DIS3L: variants seen among roughly 807,000 people sequenced by gnomAD.
DIS3L encodes the protein DIS3 like exosome 3'-5' exoribonuclease, also known as DIS3-like exonuclease 1.
DIS3L carries 100 observed loss-of-function variants against 120.3 expected under a neutral mutation model. The observed-to-expected ratio is 0.83, with a 90% CI of 0.71 to 0.98. The LOEUF (loss-of-function observed/expected upper bound fraction) is 0.98. Among genes scored for constraint, DIS3L ranks in the 50% least tolerant of loss-of-function variants. DIS3L has a pLI of 0.00. For missense variants in DIS3L, 1,196 were observed against 1,314.2 expected, an observed-to-expected ratio of 0.91 and a Z score of 1.39; for synonymous variants, 426 against 470.6, an observed-to-expected ratio of 0.91 and a Z score of 1.23.
At chr15:66,331,556 C>CAA (rs34478583) in intron 14 of DIS3L, 24 of 153,616 alleles carry the variant, frequency 1.6e-4, no homozygotes, top group East Asian at 7.3e-4. Context: ...CTCCATATCT[C>CAA]AAAAAAAAAA....
intron 14 of DIS3L, chr15:66,330,487 T>C: frequency 2.0e-6 from 2 of 985,450 alleles, no homozygotes; most frequent in Non-Finnish European, 2.4e-6. Context: ...GGAAACTACC[T>C]AAATGTTTAA....
chr15:66,302,659 C>T (rs895570054), intron 2 of DIS3L, among the ~76,000 whole-genome samples: 10 of 152,126 alleles, frequency 6.6e-5, no homozygotes, highest in African/African-American at 2.2e-4. Flanking sequence ...TTTGTCTCCA[C>T]TCACTCTTAT....
At position 66,320,579 on chromosome 15, in the gene DIS3L, G is replaced by C. The variant is rs200344612; in HGVS notation, c.1173G>C (p.Arg391Ser). The C allele has an allele frequency of 1.7e-4, 282 of 1,613,228 alleles. 1 individual carries two copies. Among genetic ancestry groups the C allele is most frequent in the Middle Eastern group, 6.6e-4 (4 of 6,076 alleles). ...TTTTTCCTTTTGTGCAGGACTTCAGGGTGGTCGTGCGCATCGATTCCTGGG... is the reference window on the plus strand; with the variant it reads ...TTTTTCCTTTTGTGCAGGACTTCAGCGTGGTCGTGCGCATCGATTCCTGGG... ...TQQAETLQDF[R>S]VVVRIDSWES... is the part of the protein sequence containing the mutation. The change falls in exon 9 of 17, where the codon AGG (arginine) becomes AGC (serine). Residue 391 changes from arginine to serine, a missense_variant. Transcript: ENST00000319212.
At chr15:66,307,235 C>T (rs1431839600) in intron 3 of DIS3L, among the ~76,000 whole-genome samples, 1 of 152,092 alleles carries the variant, frequency 6.6e-6, no homozygotes, top group Non-Finnish European at 1.5e-5. Context: ...AACTAGAAGT[C>T]ATAACTTTAA....
chr15:66,309,163 A>G (rs1370728700), intron 4 of DIS3L, among the ~76,000 whole-genome samples: 2 of 142,736 alleles, frequency 1.4e-5, no homozygotes, highest in Admixed American at 7.4e-5. Context: ...GAGATGGAAG[A>G]ATCACTGGAG....
Position 66,326,201 on chromosome 15 carries a change from A to C in DIS3L, c.2038A>C (p.Thr680Pro), listed in dbSNP as rs1191601804. The C allele has an allele frequency of 1.2e-6, 2 of 1,614,186 alleles. No homozygotes were observed. The highest frequency in any genetic ancestry group is 8.5e-7 in the Non-Finnish European group (1 of 1,180,026). The change falls in exon 12 of 17, where the codon ACA becomes CCA. Residue 680 changes from threonine (T) to proline (P), a missense_variant. Coordinates refer to ENST00000319212, the MANE Select transcript of DIS3L (RefSeq NM_001143688.3). ...CAAGCAGCCCCTGGAAGTCCACGAG[A>C]CAGTGGCTGAATGCATGATCCTGGC... ...IPKQPLEVHETVAECMILANH... is the reference protein window; with the variant it reads ...IPKQPLEVHEPVAECMILANH...
In DIS3L at chr15:66,323,522, G is replaced by A. The variant is rs369988387; in HGVS notation, c.1604G>A (p.Arg535His). Residue 535 changes from arginine (R) to histidine (H), a missense_variant, in exon 11 of 17, where the codon CGC (arginine) becomes CAC (histidine). Arg to His is a conservative substitution (Grantham distance 29). Transcript: ENST00000319212. ...RATTYYLADRRYDMLPSVLSA... is the reference protein window; with the variant it reads ...RATTYYLADRHYDMLPSVLSA... ...ACCACTTATTATCTAGCAGATCGTCGCTATGACATGCTGCCTTCCGTCCTC... is the reference window on the plus strand; with the variant it reads ...ACCACTTATTATCTAGCAGATCGTCACTATGACATGCTGCCTTCCGTCCTC... 45 of 1,614,236 alleles carry A rather than the reference G, an allele frequency of 2.8e-5. 1 individual carries two copies. Among genetic ancestry groups the A allele is most frequent in the Admixed American group, 2.5e-4 (15 of 60,030 alleles).
intron 2 of DIS3L, 46 bp from the exon 3 acceptor site, chr15:66,306,778 A>G: frequency 1.2e-6 from 2 of 1,609,768 alleles, no homozygotes; most frequent in Non-Finnish European, 1.7e-6. Flanking sequence ...ATAGCAGTGG[A>G]TGAGTACCTG....
In DIS3L at chr15:66,322,673, G is replaced by A. The variant is rs1038185726; in HGVS notation, c.1327-14G>A. ...GTGGTGCATGAATTGCTGAATATTT[G>A]GTTTCTCATACAGATGTGTGAGATG... is the stretch of plus-strand genomic sequence containing the variant. On this transcript the variant is annotated splice_polypyrimidine_tract_variant and intron_variant, in intron 9 of 16. Coordinates refer to ENST00000319212, the MANE Select transcript of DIS3L (RefSeq NM_001143688.3). 4 of 1,610,920 alleles carry A rather than the reference G, an allele frequency of 2.5e-6. No individual in the cohort carries two copies. Among genetic ancestry groups the A allele is most frequent in the Non-Finnish European group, 3.4e-6 (4 of 1,177,946 alleles).
intron 14 of DIS3L, chr15:66,329,606 C>A: frequency 8.0e-7 from 1 of 1,253,588 alleles, no homozygotes; most frequent in South Asian, 2.2e-5. Flanking sequence ...TTTTTTTTTT[C>A]CGAAAGGTGG....
At chr15:66,313,325 TAA>T (rs1453546788) in intron 5 of DIS3L, among the ~76,000 whole-genome samples, 1 of 152,214 alleles carries the variant, frequency 6.6e-6, no homozygotes. Context: ...AGAAGATTTT[TAA>T]AAGACTACTC....
chr15:66,309,064 G>A (rs1432884682), intron 4 of DIS3L, among the ~76,000 whole-genome samples: 1 of 16,386 alleles, frequency 6.1e-5, no homozygotes, highest in Non-Finnish European at 1.3e-4. Context: ...GCAATCTAGT[G>A]AGACCTTGTC....
chr15:66,294,938 C>A, intron 1 of DIS3L, 50 bp from the exon 2 acceptor site: 2 of 1,519,106 alleles, frequency 1.3e-6, no homozygotes, highest in Non-Finnish European at 1.8e-6. Context: ...TTTAAATAAA[C>A]CAGGTTTGAA....
rs138023975 is a variant in DIS3L, at chr15:66,306,862, G to A, written c.332G>A (p.Arg111His). The change falls in exon 3 of 17, where the codon CGT (arginine) becomes CAT (histidine). Residue 111 changes from arginine to histidine, a missense_variant. Transcript: ENST00000319212. ...NKLRNLLKDA[R>H]HDCILFANEF... is the part of the protein sequence containing the mutation. ...CTGCGAAACCTGCTGAAGGATGCGC[G>A]TCATGATTGCATTCTCTTTGCTAAT... 5.6e-6 allele frequency: 9 copies of A among 1,614,112 alleles called. No homozygotes were observed. Among genetic ancestry groups the A allele is most frequent in the African/African-American group, 2.7e-5 (2 of 75,022 alleles).
intron 4 of DIS3L, among the ~76,000 whole-genome samples, chr15:66,309,352 C>G (rs2092737946): frequency 6.6e-6 from 1 of 151,516 alleles, no homozygotes; most frequent in South Asian, 2.1e-4. Context: ...CATCTAATAC[C>G]AGCCCAGTAA....
chr15:66,302,864 G>A (rs2092663473), intron 2 of DIS3L, among the ~76,000 whole-genome samples: 1 of 152,156 alleles, frequency 6.6e-6, no homozygotes, highest in Non-Finnish European at 1.5e-5. Context: ...CTATTTTTAA[G>A]TGCACAGTTC....
At chr15:66,320,387 C>T (rs750296) in intron 8 of DIS3L, among the ~76,000 whole-genome samples, 184 bp from the exon 9 acceptor site, 6,725 of 151,812 alleles carry the variant, frequency 0.044, 362 homozygotes, top group African/African-American at 0.12. Flanking sequence ...GCATTTCATA[C>T]CATCTGGCAA....
At chr15:66,305,244 C>G (rs1437225425) in intron 2 of DIS3L, among the ~76,000 whole-genome samples, 2 of 152,036 alleles carry the variant, frequency 1.3e-5, no homozygotes, top group African/African-American at 4.8e-5. Flanking sequence ...TCGTGATCCT[C>G]CTGCCTCGCC....
chr15:66,327,567 C>T (rs1380914013), intron 12 of DIS3L, among the ~76,000 whole-genome samples: 1 of 151,684 alleles, frequency 6.6e-6, no homozygotes, highest in Non-Finnish European at 1.5e-5. Flanking sequence ...ACCATTCTGG[C>T]TAACACGGTG....
Sources: gnomAD v4.1 joint callset for allele counts (sites outside exome capture counted in the v4.1 genomes callset) on GRCh38, gnomAD v4.1.1 for gene constraint, MANE v1.5 for transcripts, NCBI Gene and HGNC (gene_info 2026-07-23, HGNC 2026-07-21) for gene names.